Variants in NHS observed in about 807,000 individuals in gnomAD.
The protein encoded by NHS is actin remodeling regulator NHS.
Under a neutral mutation model 72.5 loss-of-function variants are expected in NHS, and 5 were observed. That is an observed-to-expected ratio of 0.07 (90% CI 0.04 to 0.14). The LOEUF is 0.14. Among genes scored for constraint, NHS ranks in the 10% least tolerant of loss-of-function variants. The pLI is 1.00. For synonymous variants in NHS, 464 were observed against 547.7 expected, an observed-to-expected ratio of 0.85 and a Z score of 2.13; for missense variants, 1,072 against 1,355.7, an observed-to-expected ratio of 0.79 and a Z score of 3.29.
chrX:17,597,444 T>C (rs1015312930), intron 1 of NHS, among the ~76,000 whole-genome samples: 1 of 108,534 alleles, frequency 9.2e-6, no homozygotes, highest in African/African-American at 3.4e-5. Flanking sequence ...TTTTTTTTTT[T>C]TTAAGAAAAA....
At chrX:17,507,948 C>T (rs972754971) in intron 1 of NHS, among the ~76,000 whole-genome samples, 3 of 111,779 alleles carry the variant, frequency 2.7e-5, no homozygotes, top group African/African-American at 9.7e-5. Flanking sequence ...AGGCATAGTG[C>T]TAAAGTGTTT....
intron 1 of NHS, among the ~76,000 whole-genome samples, chrX:17,542,279 G>A (rs1363997077): frequency 8.8e-6 from 1 of 113,288 alleles, no homozygotes; most frequent in Non-Finnish European, 1.9e-5. Context: ...CCTGCTCTCC[G>A]GTTGCAGAGG....
rs749528520 is a variant in NHS at position 17,687,790 on chromosome X, C to T, written c.614C>T (p.Ala205Val). 2.5e-6 allele frequency: 3 copies of T among 1,212,015 alleles called. No individual in the cohort carries two copies. Among genetic ancestry groups the T allele is most frequent in the Admixed American group, 2.2e-5 (1 of 46,073 alleles). Residue 205 changes from alanine to valine, a missense_variant, in exon 2 of 9, where the codon GCC becomes GTC. Ala to Val is a moderately conservative substitution (Grantham distance 64, BLOSUM62 0). Transcript: ENST00000676302. ...AGTAAGCTGAGTGTGTACTACCGCG[C>T]CCCGTGGCACCAGCAGCGCAACATC... Reference protein sequence around the residue: ...IESKLSVYYRAPWHQQRNIFL... With the variant: ...IESKLSVYYRVPWHQQRNIFL...
chrX:17,561,617 C>CAT (rs2065416538), intron 1 of NHS, among the ~76,000 whole-genome samples: 1 of 101,726 alleles, frequency 9.8e-6, no homozygotes, highest in African/African-American at 3.5e-5. Context: ...CACACACACA[C>CAT]ACATCATGCC....
At chrX:17,603,288 C>T (rs1250208814) in intron 1 of NHS, among the ~76,000 whole-genome samples, 1 of 112,262 alleles carries the variant, frequency 8.9e-6, no homozygotes, top group Non-Finnish European at 1.9e-5. Flanking sequence ...CATTTGTGCA[C>T]ACATTTGTAT....
intron 1 of NHS, among the ~76,000 whole-genome samples, chrX:17,565,069 T>C (rs1240244947): frequency 1.8e-5 from 2 of 109,966 alleles, no homozygotes; most frequent in Non-Finnish European, 3.8e-5. Flanking sequence ...GTGACTTGCT[T>C]TGAGCAACAG....
At chrX:17,504,729 C>T (rs1001900335) in intron 1 of NHS, among the ~76,000 whole-genome samples, 2 of 112,181 alleles carry the variant, frequency 1.8e-5, no homozygotes, top group African/African-American at 3.2e-5. Flanking sequence ...CATGTGGCAA[C>T]GCAGTGTTTC....
rs2064690708 is a variant in NHS at position 17,430,622 on chromosome X, A to G, written c.565+54300A>G. 2.7e-5 allele frequency among the ~76,000 whole-genome samples: 3 copies of G among 110,252 alleles called. 1 individual carries two copies. The South Asian group carries it at 1.2e-3, about 43-fold the overall frequency. On this transcript the variant is annotated intron_variant, in intron 1 of 8. Coordinates refer to ENST00000676302, the MANE Select transcript of NHS (RefSeq NM_001291867.2). The stretch of plus-strand genomic sequence containing the variant: ...GCCATTACTACATCCATTTGTAGTC[A>G]CTCCCCATTTACTCCTCCCCGCAGC...
chrX:17,636,583 C>T (rs2065848781), intron 1 of NHS, among the ~76,000 whole-genome samples: 1 of 112,245 alleles, frequency 8.9e-6, no homozygotes, highest in Non-Finnish European at 1.9e-5. Context: ...CATTTGCCTC[C>T]ACTGCCTCTG....
At chrX:17,719,214 GGGAAGGAA>G (rs1183546061) in intron 3 of NHS, 122 bp from the exon 4 acceptor site, 3 of 501,166 alleles carry the variant, frequency 6.0e-6, no homozygotes, top group East Asian at 3.9e-5. Context: ...GGAGGAAGGA[GGGAAGGAA>G]GGAAGGAAGG....
intron 1 of NHS, among the ~76,000 whole-genome samples, chrX:17,445,759 G>T (rs201921273): frequency 1.5e-4 from 15 of 102,981 alleles, no homozygotes; most frequent in East Asian, 9.3e-4. Context: ...AAAAAAAAGG[G>T]GGGGGGGACT....
chrX:17,489,284 T>G (rs1258118186), intron 1 of NHS, among the ~76,000 whole-genome samples: 1 of 112,084 alleles, frequency 8.9e-6, no homozygotes, highest in Non-Finnish European at 1.9e-5. Flanking sequence ...TAGAATGATT[T>G]ATAGTCCTTT....
intron 1 of NHS, among the ~76,000 whole-genome samples, chrX:17,405,546 A>T (rs1455267495): frequency 8.9e-6 from 1 of 112,406 alleles, no homozygotes; most frequent in Non-Finnish European, 1.9e-5. Context: ...ATAATGATAG[A>T]GAGAAGAGTA....
chrX:17,444,855 C>G (rs1203180996), intron 1 of NHS, among the ~76,000 whole-genome samples: 1 of 110,754 alleles, frequency 9.0e-6, no homozygotes, highest in Non-Finnish European at 1.9e-5. Flanking sequence ...GAGAAGGGTT[C>G]TGGAAGTCTT....
rs148443321 is a variant in NHS, at chrX:17,461,722, C to T, written c.565+85400C>T. On this transcript the variant is annotated intron_variant, in intron 1 of 8. Coordinates refer to ENST00000676302, the MANE Select transcript of NHS (RefSeq NM_001291867.2). Reference sequence around the variant, plus strand: ...TTGGCTTACAATTCTGTGGGTCATCCGGGCAGTTTTTCTGCTCTGGACTGG... The same window carrying T: ...TTGGCTTACAATTCTGTGGGTCATCTGGGCAGTTTTTCTGCTCTGGACTGG... Among the ~76,000 whole-genome samples, 252 of 112,987 alleles carry T rather than the reference C, an allele frequency of 2.2e-3. 3 individuals are homozygous for T. The highest frequency in any genetic ancestry group is 0.018 in the Admixed American group (198 of 10,752).
intron 1 of NHS, among the ~76,000 whole-genome samples, chrX:17,671,715 G>A (rs774971704): frequency 1.9e-4 from 21 of 111,951 alleles, no homozygotes; most frequent in South Asian, 1.5e-3. Context: ...CCAGGTCCCC[G>A]ATTCAGAACT....
At chrX:17,491,898 G>A (rs1290807197) in intron 1 of NHS, among the ~76,000 whole-genome samples, 1 of 109,817 alleles carries the variant, frequency 9.1e-6, no homozygotes, top group Admixed American at 9.7e-5. Flanking sequence ...ATTTCTTCTA[G>A]ATTTTTCTAG....
Position 17,538,321 on chromosome X carries a change from G to T in NHS, c.566-149421G>T, listed in dbSNP as rs760184636. Among the ~76,000 whole-genome samples the T allele has an allele frequency of 2.7e-5, 3 of 111,693 alleles. No homozygotes were observed. In the South Asian group the frequency reaches 1.1e-3, roughly 42 times the overall value. The stretch of plus-strand genomic sequence containing the variant: ...AAAAGCAGACATGACATGAGGAATG[G>T]AGCAAATGCTCTTTGCTCAGGGGGG... On this transcript the variant is annotated intron_variant, in intron 1 of 8. Coordinates refer to ENST00000676302, the MANE Select transcript of NHS (RefSeq NM_001291867.2).
chrX:17,615,087 T>TATGGTCTCACTCTGTTGCCCAGGCTGGG (rs2065731772), intron 1 of NHS, among the ~76,000 whole-genome samples: 1 of 99,125 alleles, frequency 1.0e-5, no homozygotes, highest in Non-Finnish European at 2.0e-5. Flanking sequence ...TATATATATA[T>TATGGTCTCACTCTGTTGCCCAGGCTGGG]GTGTGTATAT....
Sources: gnomAD v4.1 joint callset for allele counts (sites outside exome capture counted in the v4.1 genomes callset) on GRCh38, gnomAD v4.1.1 for gene constraint, MANE v1.5 for transcripts, NCBI Gene and HGNC (gene_info 2026-07-23, HGNC 2026-07-21) for gene names.